NKAIN3: variants seen among roughly 807,000 people sequenced by gnomAD.
The protein encoded by NKAIN3 is sodium/potassium-transporting ATPase subunit beta-1-interacting protein 3.
Under a neutral mutation model 30.2 loss-of-function variants are expected in NKAIN3, and 25 were observed. The observed-to-expected ratio is 0.83, with a 90% CI of 0.60 to 1.16. The LOEUF (loss-of-function observed/expected upper bound fraction) is 1.16, where lower values mean the gene tolerates loss of function less well. Ranked by LOEUF, NKAIN3 falls within the 50% of genes most tolerant of loss-of-function variation. NKAIN3 has a pLI of 0.00. For synonymous variants in NKAIN3, 91 were observed against 89.6 expected, an observed-to-expected ratio of 1.02 and a Z score of -0.09; for missense variants, 225 against 254.1, an observed-to-expected ratio of 0.89 and a Z score of 0.78.
intron 4 of NKAIN3, among the ~76,000 whole-genome samples, chr8:62,907,502 G>T (rs908642200): frequency 1.3e-5 from 2 of 152,160 alleles, no homozygotes; most frequent in African/African-American, 4.8e-5. Context: ...GCATTTCAGA[G>T]GTCTTCATGG....
chr8:62,507,949 TC>T (rs1293944151), intron 1 of NKAIN3, among the ~76,000 whole-genome samples: 5 of 152,204 alleles, frequency 3.3e-5, no homozygotes, highest in African/African-American at 1.2e-4. Flanking sequence ...TGTTTTAGTT[TC>T]ACAGTATAAA....
At chr8:62,805,554 G>T (rs946009540) in intron 4 of NKAIN3, among the ~76,000 whole-genome samples, 1 of 152,102 alleles carries the variant, frequency 6.6e-6, no homozygotes, top group African/African-American at 2.4e-5. Context: ...AATGGGGAAA[G>T]GATTCCCTAT....
At chr8:62,828,872 A>C (rs1009852006) in intron 4 of NKAIN3, among the ~76,000 whole-genome samples, 1 of 152,128 alleles carries the variant, frequency 6.6e-6, no homozygotes, top group African/African-American at 2.4e-5. Context: ...GCTAGGACCA[A>C]CTTGCCAGAC....
At chr8:62,427,805 T>G (rs1804856722) in intron 1 of NKAIN3, among the ~76,000 whole-genome samples, 1 of 152,034 alleles carries the variant, frequency 6.6e-6, no homozygotes, top group African/African-American at 2.4e-5. Flanking sequence ...AATTGTAATA[T>G]TTCATAACCT....
In NKAIN3 at chr8:62,327,719, G is replaced by A. The variant is rs145502233; in HGVS notation, c.54+78592G>A. 3.0e-3 allele frequency among the ~76,000 whole-genome samples: 461 copies of A among 152,148 alleles called. 3 individuals are homozygous for A. Among genetic ancestry groups the A allele is most frequent in the African/African-American group, 0.01 (429 of 41,546 alleles). Reference sequence around the variant, plus strand: ...GTAGTAAGTTTTGAAATCAGGAAATGTACATCCTCTAGCTTTGTTCTTTTT... The same window carrying A: ...GTAGTAAGTTTTGAAATCAGGAAATATACATCCTCTAGCTTTGTTCTTTTT... On this transcript the variant is annotated intron_variant, in intron 1 of 6. Coordinates refer to ENST00000623646, the MANE Select transcript of NKAIN3 (RefSeq NM_001304533.3).
rs1013596549 is a variant in NKAIN3, at chr8:62,968,046, A to C, written c.*2639A>C. 1.3e-5 allele frequency among the ~76,000 whole-genome samples: 2 copies of C among 152,198 alleles called. No homozygotes were observed. The highest frequency in any genetic ancestry group is 4.8e-5 in the African/African-American group (2 of 41,452). Reference sequence around the variant, plus strand: ...TTTAATCTTTCTTCACTTAAATATGAAGTTATAACTGTTTCAATCTCCAAC... The same window carrying C: ...TTTAATCTTTCTTCACTTAAATATGCAGTTATAACTGTTTCAATCTCCAAC... On this transcript the variant is annotated 3_prime_UTR_variant, in exon 7 of 7. Transcript: ENST00000623646.
At chr8:62,447,417 A>G (rs1344465768) in intron 1 of NKAIN3, among the ~76,000 whole-genome samples, 2 of 152,128 alleles carry the variant, frequency 1.3e-5, no homozygotes, top group Non-Finnish European at 1.5e-5. Context: ...ACCATTTAAT[A>G]CTGTCCTTTG....
chr8:62,407,661 GAT>G (rs1220424859), intron 1 of NKAIN3, among the ~76,000 whole-genome samples: 1 of 152,182 alleles, frequency 6.6e-6, no homozygotes, highest in Non-Finnish European at 1.5e-5. Flanking sequence ...TCGATCTCTT[GAT>G]CTCGTGATCC....
chr8:62,360,648 G>A (rs543677590), intron 1 of NKAIN3, among the ~76,000 whole-genome samples: 142 of 152,232 alleles, frequency 9.3e-4, no homozygotes, highest in South Asian at 6.8e-3. Flanking sequence ...GCTTGATTCA[G>A]AGTCGAGTTC....
chr8:62,948,902 A>T (rs1437359386), intron 5 of NKAIN3, among the ~76,000 whole-genome samples: 1 of 152,178 alleles, frequency 6.6e-6, no homozygotes, highest in Non-Finnish European at 1.5e-5. Context: ...ATCCAAAGAG[A>T]TATGCATAAA....
chr8:62,673,811 G>C (rs1269738642), intron 3 of NKAIN3, among the ~76,000 whole-genome samples: 1 of 152,194 alleles, frequency 6.6e-6, no homozygotes, highest in Non-Finnish European at 1.5e-5. Context: ...GAAAAGTACA[G>C]TAAAAATTTG....
intron 5 of NKAIN3, among the ~76,000 whole-genome samples, chr8:62,929,587 A>G (rs1199431702): frequency 6.6e-6 from 1 of 152,218 alleles, no homozygotes; most frequent in Non-Finnish European, 1.5e-5. Flanking sequence ...GTGAAGACCA[A>G]AGTTTCTCTA....
intron 1 of NKAIN3, among the ~76,000 whole-genome samples, chr8:62,351,023 A>G (rs1816163028): frequency 6.6e-6 from 1 of 151,842 alleles, no homozygotes. Flanking sequence ...ACAGTGATCA[A>G]GCAGAGCAAT....
intron 1 of NKAIN3, among the ~76,000 whole-genome samples, chr8:62,305,791 G>T (rs1391209231): frequency 1.3e-5 from 2 of 150,366 alleles, no homozygotes; most frequent in Non-Finnish European, 2.9e-5. Flanking sequence ...TGGTCATTGG[G>T]TATGTGTCGT....
intron 3 of NKAIN3, among the ~76,000 whole-genome samples, chr8:62,731,382 TTTCTC>T (rs1474519259): frequency 2.0e-5 from 3 of 152,198 alleles, no homozygotes; most frequent in Non-Finnish European, 2.9e-5. Flanking sequence ...ATAACTGTCT[TTTCTC>T]TTACACTGAA....
intron 4 of NKAIN3, among the ~76,000 whole-genome samples, chr8:62,818,740 C>A (rs577182809): frequency 6.4e-4 from 98 of 152,090 alleles, no homozygotes; most frequent in Non-Finnish European, 1.1e-3. Flanking sequence ...GAAGTAAGTG[C>A]TGCCAGAACA....
At chr8:62,835,283 C>G (rs1184593892) in intron 4 of NKAIN3, among the ~76,000 whole-genome samples, 1 of 151,904 alleles carries the variant, frequency 6.6e-6, no homozygotes, top group East Asian at 1.9e-4. Context: ...TGACTAAGTC[C>G]TCGAAAGCAA....
At chr8:62,463,800 G>A (rs1429106461) in intron 1 of NKAIN3, among the ~76,000 whole-genome samples, 1 of 152,142 alleles carries the variant, frequency 6.6e-6, no homozygotes, top group Non-Finnish European at 1.5e-5. Context: ...AAATTAGGTA[G>A]AGTAAAAGAT....
chr8:62,509,390 T>G (rs543201607), intron 1 of NKAIN3, among the ~76,000 whole-genome samples: 1 of 152,242 alleles, frequency 6.6e-6, no homozygotes. Context: ...GCCCTAGTTC[T>G]TTTCCTCCTT....
Sources: gnomAD v4.1 joint callset for allele counts (sites outside exome capture counted in the v4.1 genomes callset) on GRCh38, gnomAD v4.1.1 for gene constraint, MANE v1.5 for transcripts, NCBI Gene and HGNC (gene_info 2026-07-23, HGNC 2026-07-21) for gene names.